ADAD2: variants seen among roughly 807,000 people sequenced by gnomAD.
ADAD2 encodes the protein adenosine deaminase domain containing 2.
In ADAD2, 60 loss-of-function variants were observed where a neutral mutation model predicts 54.5. The observed-to-expected ratio is 1.10, with a 90% CI of 0.89 to 1.36. The LOEUF (loss-of-function observed/expected upper bound fraction) is 1.36. Among genes scored for constraint, ADAD2 ranks in the 40% most tolerant of loss-of-function variants. The pLI, the probability that ADAD2 is intolerant of heterozygous loss-of-function variation, is 0.00. For synonymous variants in ADAD2, 543 were observed against 366.2 expected, an observed-to-expected ratio of 1.48 and a Z score of -5.51; for missense variants, 1,103 against 801.3, an observed-to-expected ratio of 1.38 and a Z score of -4.54.
Position 84,195,679 on chromosome 16 carries a change from G to C in ADAD2, c.1034G>C (p.Gly345Ala), listed in dbSNP as rs1201010523. The change falls in exon 6 of 10, where the codon GGC becomes GCC. Residue 345 changes from glycine (G) to alanine (A), a missense_variant. Coordinates refer to ENST00000315906, the MANE Select transcript of ADAD2 (RefSeq NM_001145400.2). ...CTCTACATCAGCAACACCCCCAAGG[G>C]CGCGGCCCGTGACATCTAGTATGCA... ...LHLYISNTPK[G>A]AARDIYLPPT... is the part of the protein sequence containing the mutation. 6.4e-7 allele frequency: 1 copy of C among 1,564,514 alleles called. No homozygotes were observed. The highest frequency in any genetic ancestry group is 8.6e-7 in the Non-Finnish European group (1 of 1,158,674).
Position 84,195,064 on chromosome 16 carries a change from C to T in ADAD2, c.608-5C>T, listed in dbSNP as rs554980081. ...TTCTACCTGCAGTCTCTCGCCCTGGCGCAGAGAACATCCTGACCCATGAGC... is the reference window on the plus strand; with the variant it reads ...TTCTACCTGCAGTCTCTCGCCCTGGTGCAGAGAACATCCTGACCCATGAGC... On this transcript the variant is annotated splice_polypyrimidine_tract_variant and splice_region_variant and intron_variant, in intron 3 of 9. Transcript: ENST00000315906. The T allele has an allele frequency of 1.7e-5, 28 of 1,613,040 alleles. No individual in the cohort carries two copies. Among genetic ancestry groups the T allele is most frequent in the African/African-American group, 4.0e-5 (3 of 75,066 alleles).
chr16:84,194,436 C>T lies in ADAD2; in HGVS notation c.419-6C>T. ...GGGCTGCTTCCTCACCTGGCTCCTT[C>T]CCCAGGTCCCTGCTTCCCCTTCTCG... is the stretch of plus-strand genomic sequence containing the variant. On this transcript the variant is annotated splice_polypyrimidine_tract_variant and splice_region_variant and intron_variant, in intron 1 of 9. Coordinates refer to ENST00000315906, the MANE Select transcript of ADAD2 (RefSeq NM_001145400.2). 1 of 1,601,730 alleles carries T rather than the reference C, an allele frequency of 6.2e-7. No homozygotes were observed.
intron 1 of ADAD2, 138 bp downstream of exon 1, chr16:84,191,786 C>A: frequency 7.5e-7 from 1 of 1,338,142 alleles, no homozygotes; most frequent in Non-Finnish European, 1.0e-6. Flanking sequence ...CAGGACCTGG[C>A]CTGAGCTTGG....
At chr16:84,196,394 G>A in intron 8 of ADAD2, 24 bp downstream of exon 8, 1 of 1,600,938 alleles carries the variant, frequency 6.2e-7, no homozygotes, top group South Asian at 1.1e-5. Context: ...CCTGGGGCCG[G>A]GCTGTGGAGC....
intron 1 of ADAD2, 83 bp downstream of exon 1, chr16:84,191,731 G>T (rs2089658043): frequency 1.3e-6 from 2 of 1,525,034 alleles, no homozygotes. Context: ...CAGGGGGTCT[G>T]GGGAAGGTGG....
intron 1 of ADAD2, 103 bp downstream of exon 1, chr16:84,191,751 C>A: frequency 6.6e-7 from 1 of 1,503,870 alleles, no homozygotes; most frequent in Non-Finnish European, 8.9e-7. Flanking sequence ...GACCTTGGTC[C>A]CTATGCTCAG....
At chr16:84,196,473 C>T (rs576881935) in intron 8 of ADAD2, 103 bp downstream of exon 8, 11 of 724,774 alleles carry the variant, frequency 1.5e-5, no homozygotes, top group Non-Finnish European at 2.1e-5. Context: ...AACCCCTTCG[C>T]TCAACCCCTT....
chr16:84,193,918 C>A, intron 1 of ADAD2: 1 of 1,329,882 alleles, frequency 7.5e-7, no homozygotes, highest in East Asian at 2.3e-5. Flanking sequence ...GAAATTAACC[C>A]TGCACCTTTG....
In ADAD2 at chr16:84,191,771, C is replaced by T. The variant is rs1263374856; in HGVS notation, c.418+123C>T. 6 of 1,416,426 alleles carry T rather than the reference C, an allele frequency of 4.2e-6. No homozygotes were observed. The South Asian group carries it at 4.9e-5, about 12-fold the overall frequency. 87.7% of individuals were successfully genotyped at this position (1,416,426 alleles called of 1,614,324 possible). A position where few individuals can be genotyped will look rare whatever the true frequency, so the allele number is the denominator to read the frequency against. On this transcript the variant is annotated intron_variant, in intron 1 of 9. Coordinates refer to ENST00000315906, the MANE Select transcript of ADAD2 (RefSeq NM_001145400.2). Reference sequence around the variant, plus strand: ...TGGTCCCTATGCTCAGAGACACCGCCGGAGCAGGACCTGGCCTGAGCTTGG... The same window carrying T: ...TGGTCCCTATGCTCAGAGACACCGCTGGAGCAGGACCTGGCCTGAGCTTGG...
Position 84,191,468 on chromosome 16 carries a change from G to C in ADAD2, c.238G>C (p.Ala80Pro), listed in dbSNP as rs1274914304. Residue 80 changes from alanine (A) to proline (P), a missense_variant, in exon 1 of 10, where the codon GCA becomes CCA. Coordinates refer to ENST00000315906, the MANE Select transcript of ADAD2 (RefSeq NM_001145400.2). ...AGGGGCCGGAGTCGGGGAACTGGGG[G>C]CAGCCCGGGCGTGGGAAAACTTGGG... is the stretch of plus-strand genomic sequence containing the variant. Reference protein sequence around the residue: ...GAGAGVGELGAARAWENLGEQ... With the variant: ...GAGAGVGELGPARAWENLGEQ... 5 of 1,533,222 alleles carry C rather than the reference G, an allele frequency of 3.3e-6. No individual in the cohort carries two copies. The East Asian group carries it at 9.8e-5, about 30-fold the overall frequency. 95.0% of individuals were successfully genotyped at this position (1,533,222 alleles called of 1,614,324 possible).
rs112008854 is a variant in ADAD2, at chr16:84,196,788, C to A, written c.1647+21C>A. 9.1e-4 allele frequency: 1,463 copies of A among 1,602,664 alleles called. 11 individuals are homozygous for A. The African/African-American group carries it at 0.017, about 19-fold the overall frequency. On this transcript the variant is annotated intron_variant, in intron 9 of 9. Transcript: ENST00000315906. Reference sequence around the variant, plus strand: ...CCAAGGTTGGTTCCCCACCCTCCCCCCGTCCCGGTCCCTCTCCAGCCCTGC... The same window carrying A: ...CCAAGGTTGGTTCCCCACCCTCCCCACGTCCCGGTCCCTCTCCAGCCCTGC...
chr16:84,196,957 G>A lies in ADAD2; in HGVS notation c.1735G>A (p.Gly579Ser), dbSNP rs1597602477. ...GGCTTGGCCCTCGAAGCCACTGGTGGGCAAATTCAGAAACTGAAGCCAGCC... is the reference window on the plus strand; with the variant it reads ...GGCTTGGCCCTCGAAGCCACTGGTGAGCAAATTCAGAAACTGAAGCCAGCC... ...LGAWPSKPLV[G>S]KFRN Residue 579 changes from glycine to serine, a missense_variant, in exon 10 of 10, where the codon GGC becomes AGC. Physicochemically the swap from Gly to Ser is moderately conservative, Grantham distance 56 (BLOSUM62 0). Transcript: ENST00000315906. 1.2e-6 allele frequency: 2 copies of A among 1,603,682 alleles called. No individual in the cohort carries two copies. Among genetic ancestry groups the A allele is most frequent in the East Asian group, 4.5e-5 (2 of 44,550 alleles).
Position 84,195,803 on chromosome 16 carries a change from C to T in ADAD2, c.1053-12C>T, listed in dbSNP as rs757670932. On this transcript the variant is annotated splice_polypyrimidine_tract_variant and intron_variant, in intron 6 of 9. Coordinates refer to ENST00000315906, the MANE Select transcript of ADAD2 (RefSeq NM_001145400.2). ...GCCCTGAAGCTGATGTCTGTCCCCA[C>T]CCGGCCCGCAGCCTGCCCCCCACCT... 6 of 1,588,682 alleles carry T rather than the reference C, an allele frequency of 3.8e-6. No individual in the cohort carries two copies. Among genetic ancestry groups the T allele is most frequent in the African/African-American group, 2.7e-5 (2 of 74,282 alleles).
Position 84,194,591 on chromosome 16 carries a change from G to C in ADAD2, c.559+9G>C. 1.9e-6 allele frequency: 3 copies of C among 1,598,480 alleles called. No homozygotes were observed. The highest frequency in any genetic ancestry group is 2.6e-6 in the Non-Finnish European group (3 of 1,172,604). ...TCAGCTGGAGAACCCAGGTAATGGA[G>C]GGAGGGCCAGGCAGCTGAGCCGCAG... On this transcript the variant is annotated intron_variant, in intron 2 of 9. Coordinates refer to ENST00000315906, the MANE Select transcript of ADAD2 (RefSeq NM_001145400.2).
At position 84,195,989 on chromosome 16, in the gene ADAD2, TG is replaced by T; in HGVS notation, c.1229del (p.Gly410ValfsTer28). 6.3e-7 allele frequency: 1 copy of T among 1,598,490 alleles called. No individual in the cohort carries two copies. Among genetic ancestry groups the T allele is most frequent in the Non-Finnish European group, 8.5e-7 (1 of 1,179,488 alleles). On this transcript the variant is annotated frameshift_variant, in exon 7 of 10. Transcript: ENST00000315906. LOFTEE classifies it high-confidence loss of function. The part of the protein sequence containing the change: ...LARWAVLGLG[G>X]ALLAHLVSPL... ...CACGCTGGGCCGTGCTGGGGCTGGGTGGTGCCCTGCTGGCCCACCTGGTGTC... is the reference window on the plus strand; with the variant it reads ...CACGCTGGGCCGTGCTGGGGCTGGGTGTGCCCTGCTGGCCCACCTGGTGTC...
rs777065536 is a variant in ADAD2 at position 84,191,490 on chromosome 16, T to TG, written c.265dup (p.Glu89GlyfsTer75). On this transcript the variant is annotated frameshift_variant, in exon 1 of 10. Coordinates refer to ENST00000315906, the MANE Select transcript of ADAD2 (RefSeq NM_001145400.2). LOFTEE classifies it high-confidence loss of function. ...GGGGCAGCCCGGGCGTGGGAAAACTTGGGGGAACAGATGGGGAAGGCCCCG... is the reference window on the plus strand; with the variant it reads ...GGGGCAGCCCGGGCGTGGGAAAACTTGGGGGGAACAGATGGGGAAGGCCCCG... 4 of 1,540,736 alleles carry TG rather than the reference T, an allele frequency of 2.6e-6. No homozygotes were observed. The South Asian group carries it at 4.8e-5, about 18-fold the overall frequency.
rs368648032 is a variant in ADAD2, at chr16:84,191,205, A to G, written c.-26A>G. ...GCGAGAGCAGCGCGAGATAGGGCCT[A>G]GCGCCTCAGATCTTCGTTGGCGGCC... is the stretch of plus-strand genomic sequence containing the variant. On this transcript the variant is annotated 5_prime_UTR_variant, in exon 1 of 10. Transcript: ENST00000315906. 19 of 1,601,822 alleles carry G rather than the reference A, an allele frequency of 1.2e-5. No homozygotes were observed. The highest frequency in any genetic ancestry group is 4.5e-5 in the East Asian group (2 of 44,564).
intron 1 of ADAD2, 104 bp downstream of exon 1, chr16:84,191,752 C>G (rs780888870): frequency 1.5e-5 from 23 of 1,498,622 alleles, no homozygotes; most frequent in South Asian, 4.8e-5. Flanking sequence ...ACCTTGGTCC[C>G]TATGCTCAGA....
At chr16:84,193,883 G>A in intron 1 of ADAD2, 1 of 1,103,308 alleles carries the variant, frequency 9.1e-7, no homozygotes, top group Non-Finnish European at 1.3e-6. Flanking sequence ...GTCCTTGGGA[G>A]AAACAATTTA....
Sources: allele counts gnomAD v4.1 joint callset, GRCh38; gene constraint gnomAD v4.1.1; transcripts MANE v1.5; gene names NCBI Gene and HGNC (gene_info 2026-07-23, HGNC 2026-07-21).